Variants in PPARGC1A observed in about 807,000 individuals in gnomAD.
The protein encoded by PPARGC1A is peroxisome proliferator-activated receptor gamma coactivator 1-alpha.
PPARGC1A carries 25 observed loss-of-function variants against 88.7 expected under a neutral mutation model. The observed-to-expected ratio is 0.28, with a 90% CI of 0.21 to 0.39. The LOEUF is 0.39. Ranked by LOEUF, PPARGC1A falls within the 10% of genes least tolerant of loss-of-function variation. The pLI is 1.00. For synonymous variants in PPARGC1A, 363 were observed against 355.6 expected, an observed-to-expected ratio of 1.02 and a Z score of -0.24; for missense variants, 880 against 968.7, an observed-to-expected ratio of 0.91 and a Z score of 1.22.
the PPARGC1A span, among the ~76,000 whole-genome samples, chr4:24,249,774 G>C: frequency 6.6e-6 from 1 of 152,102 alleles, no homozygotes; most frequent in Non-Finnish European, 1.5e-5. Context: ...GTGTGACTTT[G>C]GTTAAACTAT....
chr4:24,241,314 C>A, the PPARGC1A span, among the ~76,000 whole-genome samples: 2 of 152,112 alleles, frequency 1.3e-5, no homozygotes, highest in Admixed American at 1.3e-4. Flanking sequence ...TGAACTTGAA[C>A]TTTCAGGGTG....
rs758283237 is a variant in PPARGC1A, at chr4:23,828,492, TGAG to T, written c.662_664del (p.Pro221del). The T allele has an allele frequency of 1.9e-6, 3 of 1,614,138 alleles. No individual in the cohort carries two copies. In the Admixed American group the frequency reaches 5.0e-5, roughly 27 times the overall value. ...GTTTCTGTTCTCTGTGGGTTTGGTGTGAGGAGGGTCATCGTTTGTGGTCAGATA... is the reference window on the plus strand; with the variant it reads ...GTTTCTGTTCTCTGTGGGTTTGGTGTGAGGGTCATCGTTTGTGGTCAGATA... On this transcript the variant is annotated inframe_deletion, in exon 5 of 13. Coordinates refer to ENST00000264867, the MANE Select transcript of PPARGC1A (RefSeq NM_013261.5).
upstream of PPARGC1A, among the ~76,000 whole-genome samples, chr4:23,899,800 G>C (rs992596963): frequency 6.6e-6 from 1 of 152,230 alleles, no homozygotes; most frequent in South Asian, 2.1e-4. Flanking sequence ...ACAGTCAACC[G>C]GGAGGAAGGC....
chr4:23,943,348 G>C, the PPARGC1A span, among the ~76,000 whole-genome samples: 1 of 146,204 alleles, frequency 6.8e-6, no homozygotes, highest in Admixed American at 6.8e-5. Context: ...TTTTGCCTTT[G>C]TAGAAAGTAA....
chr4:23,861,785 T>C (rs780657472), intron 2 of PPARGC1A, among the ~76,000 whole-genome samples: 1 of 152,212 alleles, frequency 6.6e-6, no homozygotes, highest in Non-Finnish European at 1.5e-5. Flanking sequence ...TGTAAGAAAT[T>C]GTTTATTTGG....
At chr4:24,215,441 GA>G in the PPARGC1A span, among the ~76,000 whole-genome samples, 9 of 151,712 alleles carry the variant, frequency 5.9e-5, no homozygotes, top group East Asian at 1.9e-4. Flanking sequence ...TTCGGAGAGA[GA>G]AAAAAAAATT....
chr4:24,177,105 TC>T, the PPARGC1A span, among the ~76,000 whole-genome samples: 2 of 152,090 alleles, frequency 1.3e-5, no homozygotes, highest in Non-Finnish European at 2.9e-5. Flanking sequence ...GACCCAGCAA[TC>T]CCATTACTGG....
chr4:24,027,196 A>AGT, the PPARGC1A span, among the ~76,000 whole-genome samples: 24,100 of 133,534 alleles, frequency 0.18, 2,302 homozygotes, highest in East Asian at 0.3. Flanking sequence ...ACCTCAGGCT[A>AGT]GTGTGTGTGT....
chr4:23,874,182 T>C (rs1714197398), intron 2 of PPARGC1A, among the ~76,000 whole-genome samples: 1 of 152,206 alleles, frequency 6.6e-6, no homozygotes, highest in South Asian at 2.1e-4. Flanking sequence ...CGGTGTTACA[T>C]ATTCACTGTG....
At chr4:24,275,997 A>T in the PPARGC1A span, among the ~76,000 whole-genome samples, 1 of 152,228 alleles carries the variant, frequency 6.6e-6, no homozygotes, top group African/African-American at 2.4e-5. Context: ...GACATTTGAC[A>T]TTGCAAAGCT....
At chr4:24,268,072 G>A in the PPARGC1A span, among the ~76,000 whole-genome samples, 15 of 152,252 alleles carry the variant, frequency 9.9e-5, no homozygotes, top group Admixed American at 9.8e-4. Context: ...ACAAAAAAAT[G>A]TAATTTTGAT....
the PPARGC1A span, among the ~76,000 whole-genome samples, chr4:24,371,125 G>C: frequency 2.0e-5 from 3 of 151,986 alleles, no homozygotes; most frequent in Admixed American, 1.3e-4. Flanking sequence ...TCTTTTTTAT[G>C]GCTGCATTGT....
the PPARGC1A span, among the ~76,000 whole-genome samples, chr4:24,141,676 G>A: frequency 1.3e-5 from 2 of 152,202 alleles, no homozygotes; most frequent in African/African-American, 2.4e-5. Context: ...AATTCAAAGA[G>A]AGGAGCTGGT....
chr4:24,414,809 C>T, the PPARGC1A span, among the ~76,000 whole-genome samples: 1 of 152,132 alleles, frequency 6.6e-6, no homozygotes, highest in African/African-American at 2.4e-5. Flanking sequence ...GAGGGGGTGG[C>T]CTTGCACCCT....
the PPARGC1A span, among the ~76,000 whole-genome samples, chr4:24,038,716 C>A: frequency 6.6e-6 from 1 of 152,098 alleles, no homozygotes; most frequent in African/African-American, 2.4e-5. Flanking sequence ...TTCACTCCCT[C>A]TTCAGTCGTG....
the PPARGC1A span, among the ~76,000 whole-genome samples, chr4:24,023,968 C>T: frequency 6.6e-6 from 1 of 152,182 alleles, no homozygotes; most frequent in Non-Finnish European, 1.5e-5. Context: ...GTGTAGCCAA[C>T]TAAAGCTGCA....
At chr4:24,104,591 T>C in the PPARGC1A span, among the ~76,000 whole-genome samples, 1 of 152,188 alleles carries the variant, frequency 6.6e-6, no homozygotes, top group South Asian at 2.1e-4. Flanking sequence ...CAGAGGACTG[T>C]GGGCAACACA....
chr4:24,353,412 A>G, the PPARGC1A span, among the ~76,000 whole-genome samples: 3 of 152,018 alleles, frequency 2.0e-5, no homozygotes, highest in African/African-American at 4.8e-5. Context: ...GACAGGGACA[A>G]TGTTCTCCAT....
the PPARGC1A span, among the ~76,000 whole-genome samples, chr4:24,415,561 C>T: frequency 2.0e-5 from 3 of 152,182 alleles, no homozygotes; most frequent in African/African-American, 7.2e-5. Flanking sequence ...CTTACAAAAG[C>T]AGACCTTTCC....
Sources: allele counts gnomAD v4.1 joint callset (sites outside exome capture counted in the v4.1 genomes callset), GRCh38; gene constraint gnomAD v4.1.1; transcripts MANE v1.5; gene names NCBI Gene and HGNC (gene_info 2026-07-23, HGNC 2026-07-21).